The following NRXN3 variants were observed in gnomAD, a reference collection of about 807,000 sequenced individuals.
NRXN3 encodes the protein neurexin III.
NRXN3 carries 32 observed loss-of-function variants against 137.6 expected under a neutral mutation model. That is an observed-to-expected ratio of 0.23 (90% confidence interval 0.18 to 0.31). The LOEUF (loss-of-function observed/expected upper bound fraction) is 0.31, where lower values mean the gene tolerates loss of function less well. NRXN3 is among the 10% of genes least tolerant of loss of function. The pLI is 1.00. For missense variants in NRXN3, 1,574 were observed against 2,062.5 expected (o/e 0.76, Z 4.59); for synonymous variants, 798 against 784.5 (o/e 1.02, Z -0.29).
At chr14:78,606,812 G>A (rs2097256986) in intron 4 of NRXN3, among the ~76,000 whole-genome samples, 1 of 152,188 alleles carries the variant, frequency 6.6e-6, no homozygotes, top group Admixed American at 6.5e-5. Flanking sequence ...GCCAAAACAT[G>A]ACCTTTTCCA....
chr14:79,099,621 A>G (rs1278305875), intron 15 of NRXN3, among the ~76,000 whole-genome samples: 3 of 152,310 alleles, frequency 2.0e-5, no homozygotes, highest in East Asian at 1.9e-4. Flanking sequence ...CCAAATTTAT[A>G]TGAAACTTTT....
chr14:78,657,068 A>C (rs2097790967), intron 6 of NRXN3, among the ~76,000 whole-genome samples: 1 of 151,038 alleles, frequency 6.6e-6, no homozygotes. Context: ...AAAAAAAAAA[A>C]AAAAAAAGAA....
At chr14:79,370,542 T>G (rs993156427) in intron 15 of NRXN3, among the ~76,000 whole-genome samples, 2 of 152,002 alleles carry the variant, frequency 1.3e-5, no homozygotes, top group African/African-American at 4.8e-5. Flanking sequence ...GGTCTCGAAC[T>G]CCTGACCTCA....
intron 15 of NRXN3, chr14:79,279,502 C>G: frequency 1.0e-6 from 1 of 986,326 alleles, no homozygotes; most frequent in Non-Finnish European, 1.2e-6. Flanking sequence ...CCACCCACCT[C>G]CCTCCACCCC....
chr14:78,637,880 T>C (rs1389314188), intron 4 of NRXN3, among the ~76,000 whole-genome samples: 1 of 152,280 alleles, frequency 6.6e-6, no homozygotes, highest in Admixed American at 6.5e-5. Flanking sequence ...CATTCAGCAC[T>C]GAACACATTA....
chr14:79,551,906 T>C (rs1332166144), intron 16 of NRXN3, among the ~76,000 whole-genome samples: 1 of 152,214 alleles, frequency 6.6e-6, no homozygotes, highest in Non-Finnish European at 1.5e-5. Context: ...AGACATGGAC[T>C]GTCTGGTTTC....
At position 78,615,444 on chromosome 14, in the gene NRXN3, C is replaced by CAAA. The variant is rs11456993; in HGVS notation, c.758-29661_758-29659dup. Among the ~76,000 whole-genome samples the CAAA allele has an allele frequency of 8.8e-4, 107 of 120,926 alleles. 1 individual carries two copies. In the Middle Eastern group the frequency reaches 0.014, roughly 16 times the overall value. 79.3% of individuals were successfully genotyped at this position (120,926 alleles called of 152,430 possible). On this transcript the variant is annotated intron_variant, in intron 4 of 20. Transcript: ENST00000335750. ...TGAAACCCCATCTCTACTGAAAATA[C>CAAA]AAAAAAAAAAAAAAAAATTAGTCTG...
chr14:79,229,233 A>G (rs2071666743), intron 15 of NRXN3, among the ~76,000 whole-genome samples: 1 of 152,156 alleles, frequency 6.6e-6, no homozygotes, highest in African/African-American at 2.4e-5. Flanking sequence ...TCCATTAAAC[A>G]TAGTTTATAA....
chr14:78,511,954 A>G (rs548663072), intron 4 of NRXN3, among the ~76,000 whole-genome samples: 6 of 152,320 alleles, frequency 3.9e-5, no homozygotes, highest in Admixed American at 6.5e-5. Context: ...AAGTTATATT[A>G]ACTGCAAAGG....
At chr14:79,487,438 G>A (rs2096667690) in intron 16 of NRXN3, among the ~76,000 whole-genome samples, 1 of 152,084 alleles carries the variant, frequency 6.6e-6, no homozygotes, top group South Asian at 2.1e-4. Flanking sequence ...AATCAGTGCT[G>A]AATGCCAGGA....
At chr14:79,062,465 T>C (rs1257030560) in intron 15 of NRXN3, among the ~76,000 whole-genome samples, 1 of 152,168 alleles carries the variant, frequency 6.6e-6, no homozygotes, top group Non-Finnish European at 1.5e-5. Context: ...GGAATGTCCT[T>C]ACTGACTCAG....
At chr14:78,689,796 T>G (rs1196297105) in intron 6 of NRXN3, among the ~76,000 whole-genome samples, 1 of 151,992 alleles carries the variant, frequency 6.6e-6, no homozygotes, top group Non-Finnish European at 1.5e-5. Flanking sequence ...GTTCTGGTGG[T>G]CTGTTGAGTG....
chr14:79,606,815 C>T (rs2098025726), intron 16 of NRXN3, among the ~76,000 whole-genome samples: 2 of 152,188 alleles, frequency 1.3e-5, no homozygotes, highest in African/African-American at 4.8e-5. Flanking sequence ...TACCACTGTT[C>T]TAGGCACAGC....
chr14:78,742,343 A>G (rs2152929303), intron 8 of NRXN3, among the ~76,000 whole-genome samples: 1 of 152,310 alleles, frequency 6.6e-6, no homozygotes, highest in South Asian at 2.1e-4. Context: ...AGGTTTTGGA[A>G]GTTTCACTGC....
chr14:78,752,009 C>T (rs558939951), intron 8 of NRXN3, among the ~76,000 whole-genome samples: 1 of 152,334 alleles, frequency 6.6e-6, no homozygotes, highest in South Asian at 2.1e-4. Flanking sequence ...AGGCAGAATT[C>T]ATCTCAGCAG....
chr14:79,105,496 T>C (rs1390459724), intron 15 of NRXN3, among the ~76,000 whole-genome samples: 3 of 152,306 alleles, frequency 2.0e-5, no homozygotes, highest in Middle Eastern at 6.8e-3. Flanking sequence ...GAAGTTTTAG[T>C]GAAAATCGAT....
Position 78,979,750 on chromosome 14 carries a change from G to C in NRXN3, c.3143-8272G>C, listed in dbSNP as rs2099484502. Reference sequence around the variant, plus strand: ...TGGCTGGGCAGGCCTCACAATCATGGCAGAAGGCAAACGAGGAGCAAAGTC... The same window carrying C: ...TGGCTGGGCAGGCCTCACAATCATGCCAGAAGGCAAACGAGGAGCAAAGTC... On this transcript the variant is annotated intron_variant, in intron 14 of 20. Transcript: ENST00000335750. 2.0e-5 allele frequency among the ~76,000 whole-genome samples: 3 copies of C among 152,306 alleles called. No homozygotes were observed. The South Asian group carries it at 6.2e-4, about 32-fold the overall frequency.
At chr14:78,700,299 G>A (rs945465397) in intron 6 of NRXN3, among the ~76,000 whole-genome samples, 1 of 152,188 alleles carries the variant, frequency 6.6e-6, no homozygotes, top group African/African-American at 2.4e-5. Flanking sequence ...GTGGAGAATA[G>A]GTTCATCTCA....
rs569564963 is a variant in NRXN3, at chr14:79,484,844, C to T, written c.3444+17442C>T. Reference sequence around the variant, plus strand: ...CCTGCTCAGAAACATCTGGGGCCCACATATTCAGATCTTTCGTACATATAA... The same window carrying T: ...CCTGCTCAGAAACATCTGGGGCCCATATATTCAGATCTTTCGTACATATAA... On this transcript the variant is annotated intron_variant, in intron 16 of 20. Transcript: ENST00000335750. 3.9e-5 allele frequency among the ~76,000 whole-genome samples: 6 copies of T among 152,250 alleles called. No homozygotes were observed. The South Asian group carries it at 1.0e-3, about 26-fold the overall frequency.
Sources: allele counts gnomAD v4.1 joint callset (sites outside exome capture counted in the v4.1 genomes callset), GRCh38; gene constraint gnomAD v4.1.1; transcripts MANE v1.5; gene names NCBI Gene and HGNC (gene_info 2026-07-23, HGNC 2026-07-21).